Variants in AIM2 observed in about 807,000 individuals in gnomAD.
The protein encoded by AIM2 is interferon-inducible protein AIM2.
AIM2 carries 30 observed loss-of-function variants against 27.7 expected under a neutral mutation model. The observed-to-expected ratio is 1.08, with a 90% confidence interval of 0.81 to 1.47. The LOEUF (loss-of-function observed/expected upper bound fraction) is 1.47. Ranked by LOEUF, AIM2 falls within the 40% of genes most tolerant of loss-of-function variation. The pLI is 0.00. For synonymous variants in AIM2, 141 were observed against 145.3 expected, an observed-to-expected ratio of 0.97 and a Z score of 0.21; for missense variants, 358 against 411.3, an observed-to-expected ratio of 0.87 and a Z score of 1.12.
At chr1:159,108,487 A>C (rs900691549) in intron 1 of AIM2, among the ~76,000 whole-genome samples, 4 of 152,118 alleles carry the variant, frequency 2.6e-5, no homozygotes, top group African/African-American at 9.7e-5. Flanking sequence ...TGGAACAAGA[A>C]AAGGATGCCC....
chr1:159,062,612 T>G lies in AIM2; in HGVS notation c.*80A>C. ...TGCAGCTTTCAGGTAACTTACAATC[T>G]GATTGAAGAGGCTGTATCACATATT... On this transcript the variant is annotated 3_prime_UTR_variant, in exon 6 of 6. Coordinates refer to ENST00000368130, the MANE Select transcript of AIM2 (RefSeq NM_004833.3). 1.5e-6 allele frequency: 2 copies of G among 1,373,414 alleles called. No homozygotes were observed. Among genetic ancestry groups the G allele is most frequent in the Admixed American group, 3.6e-5 (2 of 55,630 alleles). 85.1% of individuals were successfully genotyped at this position (1,373,414 alleles called of 1,614,324 possible). A position where few individuals can be genotyped will look rare whatever the true frequency, so the allele number is the denominator to read the frequency against.
At chr1:159,104,358 A>G (rs901513880) in intron 1 of AIM2, among the ~76,000 whole-genome samples, 33 of 152,338 alleles carry the variant, frequency 2.2e-4, no homozygotes, top group Middle Eastern at 3.4e-3. Context: ...CTAAATGTGC[A>G]ACTGAGGAAC....
chr1:159,128,418 C>A (rs1570980809), intron 1 of AIM2, among the ~76,000 whole-genome samples: 1 of 152,178 alleles, frequency 6.6e-6, no homozygotes, highest in Non-Finnish European at 1.5e-5. Context: ...ACTGCAACCA[C>A]TAATCCAGAT....
At chr1:159,145,776 C>G (rs1368396163) in intron 1 of AIM2, among the ~76,000 whole-genome samples, 1 of 152,056 alleles carries the variant, frequency 6.6e-6, no homozygotes, top group African/African-American at 2.4e-5. Flanking sequence ...CTTATTACCT[C>G]CCACCCACCT....
At chr1:159,060,503 A>C (rs77100769), downstream of AIM2, among the ~76,000 whole-genome samples, 29 of 152,222 alleles carry the variant, frequency 1.9e-4, no homozygotes, top group Non-Finnish European at 4.0e-4. Flanking sequence ...ACAAAAGTTA[A>C]GATAGAGAAT....
chr1:159,080,705 C>T (rs138171821), upstream of AIM2, among the ~76,000 whole-genome samples: 8 of 152,284 alleles, frequency 5.3e-5, no homozygotes, highest in East Asian at 7.7e-4. Context: ...TAGAGAACCA[C>T]TGCTTTAATA....
intron 1 of AIM2, among the ~76,000 whole-genome samples, chr1:159,086,810 G>C (rs919281013): frequency 6.6e-6 from 1 of 152,168 alleles, no homozygotes; most frequent in Non-Finnish European, 1.5e-5. Context: ...TGAAAATTAA[G>C]AGTTTACATG....
intron 5 of AIM2, 65 bp from the exon 6 acceptor site, chr1:159,062,783 A>G: frequency 6.9e-7 from 1 of 1,449,092 alleles, no homozygotes; most frequent in Non-Finnish European, 9.7e-7. Context: ...CACTGTTTGC[A>G]GTCACTATGG....
At chr1:159,132,194 C>CAAAAAAAAA (rs71086905) in intron 1 of AIM2, 6 of 99,450 alleles carry the variant, frequency 6.0e-5, no homozygotes, top group Non-Finnish European at 8.0e-5. Context: ...CTAGAAATAC[C>CAAAAAAAAA]AAAAAAAAAA....
intron 1 of AIM2, among the ~76,000 whole-genome samples, chr1:159,100,074 G>A (rs574408509): frequency 1.3e-5 from 2 of 152,250 alleles, no homozygotes; most frequent in East Asian, 3.9e-4. Context: ...GATAAAACCT[G>A]GCAAAATCAT....
chr1:159,068,242 C>T (rs1302062159), intron 3 of AIM2, among the ~76,000 whole-genome samples: 1 of 152,190 alleles, frequency 6.6e-6, no homozygotes, highest in Non-Finnish European at 1.5e-5. Flanking sequence ...TCTCCTTTCA[C>T]TTCCTCACAG....
intron 1 of AIM2, chr1:159,122,174 A>G (rs1647555298): frequency 1.3e-5 from 2 of 152,152 alleles, no homozygotes; most frequent in Non-Finnish European, 2.9e-5. Flanking sequence ...TCTCAGTGAC[A>G]CTAGTTGCTA....
At chr1:159,104,265 A>G (rs1448047906) in intron 1 of AIM2, among the ~76,000 whole-genome samples, 1 of 152,176 alleles carries the variant, frequency 6.6e-6, no homozygotes, top group Non-Finnish European at 1.5e-5. Context: ...TTGAAACAAT[A>G]TGGTATCATG....
chr1:159,064,284 T>G (rs570550210), intron 4 of AIM2, among the ~76,000 whole-genome samples: 18 of 152,340 alleles, frequency 1.2e-4, no homozygotes, highest in East Asian at 3.9e-4. Context: ...CGTGTCTTAC[T>G]TAGAACATGT....
At chr1:159,145,281 C>T (rs778070547), upstream of AIM2, among the ~76,000 whole-genome samples, 7 of 152,128 alleles carry the variant, frequency 4.6e-5, no homozygotes, top group Non-Finnish European at 1.0e-4. Context: ...CAGTCCTTTT[C>T]CAGACACTTC....
intron 1 of AIM2, among the ~76,000 whole-genome samples, chr1:159,103,944 A>G (rs1311236837): frequency 6.6e-6 from 1 of 152,046 alleles, no homozygotes; most frequent in Non-Finnish European, 1.5e-5. Context: ...GGGGTTTGGC[A>G]TAAATCTGTC....
intron 1 of AIM2, among the ~76,000 whole-genome samples, chr1:159,137,530 G>A (rs754088576): frequency 3.3e-5 from 5 of 152,040 alleles, no homozygotes; most frequent in Admixed American, 6.6e-5. Context: ...GTTGGTGCGC[G>A]TCTGTACTCC....
intron 2 of AIM2, among the ~76,000 whole-genome samples, chr1:159,069,840 G>A (rs1656274303): frequency 6.6e-6 from 1 of 152,146 alleles, no homozygotes; most frequent in South Asian, 2.1e-4. Context: ...ACCGCGCCTG[G>A]CCACAGATTT....
chr1:159,092,521 A>G (rs1256179024), intron 1 of AIM2, among the ~76,000 whole-genome samples: 1 of 152,174 alleles, frequency 6.6e-6, no homozygotes, highest in African/African-American at 2.4e-5. Context: ...GTGAAGGGTA[A>G]GGTGGGAGAG....
Sources: allele counts gnomAD v4.1 joint callset (sites outside exome capture counted in the v4.1 genomes callset), GRCh38; gene constraint gnomAD v4.1.1; transcripts MANE v1.5; gene names NCBI Gene and HGNC (gene_info 2026-07-23, HGNC 2026-07-21).